The following AGBL1 variants were observed in gnomAD, a reference collection of about 807,000 sequenced individuals.
AGBL1 encodes cytosolic carboxypeptidase 4.
A neutral mutation model predicts 118.9 loss-of-function variants in AGBL1; 130 were observed. That is an observed-to-expected ratio of 1.09 (90% CI 0.95 to 1.26). The LOEUF is 1.26. Among genes scored for constraint, AGBL1 ranks in the 50% most tolerant of loss-of-function variants. AGBL1 has a pLI of 0.00. For synonymous variants in AGBL1, 555 were observed against 478.9 expected, an observed-to-expected ratio of 1.16 and a Z score of -2.08; for missense variants, 1,584 against 1,298.1, an observed-to-expected ratio of 1.22 and a Z score of -3.38.
At chr15:86,124,035 C>T (rs996897852) in intron 1 of AGBL1, among the ~76,000 whole-genome samples, 14 of 151,918 alleles carry the variant, frequency 9.2e-5, no homozygotes, top group African/African-American at 2.2e-4. Context: ...GTTTAGTTAA[C>T]GATAATGTAC....
intron 17 of AGBL1, among the ~76,000 whole-genome samples, chr15:86,389,231 CAT>C (rs1446583670): frequency 4.6e-5 from 7 of 151,942 alleles, no homozygotes; most frequent in Admixed American, 2.0e-4. Context: ...TCTTGGAAAA[CAT>C]GTAGAAAGAA....
At chr15:86,128,696 C>T (rs1373916026) in intron 1 of AGBL1, among the ~76,000 whole-genome samples, 4 of 152,056 alleles carry the variant, frequency 2.6e-5, no homozygotes, top group Admixed American at 2.0e-4. Context: ...ACCTATGTTC[C>T]CTTTCTTTAT....
At position 86,613,037 on chromosome 15, in the gene AGBL1, CTT is replaced by C. The variant is rs533276253; in HGVS notation, c.2994+58503_2994+58504del. 1.3e-3 allele frequency among the ~76,000 whole-genome samples: 195 copies of C among 152,228 alleles called. No homozygotes were observed. Among genetic ancestry groups the C allele is most frequent in the Non-Finnish European group, 2.2e-3 (150 of 68,032 alleles). On this transcript the variant is annotated intron_variant, in intron 21 of 22. Transcript: ENST00000614907. The surrounding 1 kb of genome is among the most constrained non-coding windows in gnomAD (Gnocchi z 4.2). ...TAATGATTCATGTCTTTGTCTGTAA[CTT>C]TTGTCTCCCTAAAATGTATAAAGCC...
chr15:86,154,298 A>G (rs1050096050), intron 3 of AGBL1, 132 bp from the exon 4 acceptor site: 6 of 984,878 alleles, frequency 6.1e-6, no homozygotes, highest in South Asian at 1.8e-5. Flanking sequence ...AGCATTTGTC[A>G]CTAGGTCTGA....
rs76279556 is a variant in AGBL1, at chr15:86,834,972, A to G, written c.3159-72115A>G. ...ACTTCTTAAGACTACTCTAAAGGCA[A>G]TCCCACGATATTTAGCAATTGTGTT... On this transcript the variant is annotated intron_variant, in intron 22 of 22. Transcript: ENST00000614907. Among the ~76,000 whole-genome samples the G allele has an allele frequency of 4.0e-3, 615 of 152,272 alleles. 6 individuals are homozygous for G. Among genetic ancestry groups the G allele is most frequent in the African/African-American group, 0.014 (591 of 41,566 alleles).
At chr15:86,432,297 C>T (rs1030366302) in intron 18 of AGBL1, among the ~76,000 whole-genome samples, 2 of 152,198 alleles carry the variant, frequency 1.3e-5, no homozygotes, top group African/African-American at 2.4e-5. Flanking sequence ...CCATCCATGA[C>T]ATCACATTAC....
At chr15:86,332,836 G>T (rs1203001320) in intron 17 of AGBL1, among the ~76,000 whole-genome samples, 6 of 151,970 alleles carry the variant, frequency 3.9e-5, no homozygotes, top group Admixed American at 6.5e-5. Context: ...AAAAACACTA[G>T]AAATTATACC....
At chr15:86,141,906 T>G in intron 1 of AGBL1, 98 bp from the exon 2 acceptor site, 1 of 1,214,126 alleles carries the variant, frequency 8.2e-7, no homozygotes, top group Non-Finnish European at 1.2e-6. Flanking sequence ...TCTTTCTCCA[T>G]GACAGGAAGT....
chr15:86,710,697 A>C (rs2086541079), intron 22 of AGBL1, among the ~76,000 whole-genome samples: 1 of 152,194 alleles, frequency 6.6e-6, no homozygotes, highest in Non-Finnish European at 1.5e-5. Context: ...GGTTTCAGAT[A>C]GGTTTATAAG....
chr15:86,546,501 A>G (rs1332986119), intron 20 of AGBL1, among the ~76,000 whole-genome samples: 1 of 152,170 alleles, frequency 6.6e-6, no homozygotes, highest in Admixed American at 6.6e-5. Context: ...CCCTTCTGCC[A>G]TCTGTAAAAT....
intron 18 of AGBL1, among the ~76,000 whole-genome samples, chr15:86,462,648 C>G (rs1296826576): frequency 1.6e-4 from 24 of 152,098 alleles, no homozygotes; most frequent in Admixed American, 1.6e-3. Context: ...TATGTTCTCA[C>G]TGTTCAACTC....
At chr15:86,329,769 G>T (rs57176955) in intron 17 of AGBL1, among the ~76,000 whole-genome samples, 21,098 of 151,062 alleles carry the variant, frequency 0.14, 1,575 homozygotes, top group Admixed American at 0.17. Flanking sequence ...GGCCCTCTAT[G>T]CTTCATGCCC....
At chr15:86,922,533 C>A (rs1374765502) in intron 23 of AGBL1, among the ~76,000 whole-genome samples, 2 of 152,194 alleles carry the variant, frequency 1.3e-5, no homozygotes, top group Non-Finnish European at 2.9e-5. Context: ...CTCAGGTGAT[C>A]CACCTGCCTT....
At chr15:86,471,169 A>T (rs1376132088) in intron 18 of AGBL1, among the ~76,000 whole-genome samples, 2 of 152,178 alleles carry the variant, frequency 1.3e-5, no homozygotes, top group African/African-American at 4.8e-5. Flanking sequence ...ATTGACATAA[A>T]TGGCCTTTTA....
intron 6 of AGBL1, among the ~76,000 whole-genome samples, chr15:86,242,983 C>T (rs908472440): frequency 3.9e-5 from 6 of 152,156 alleles, no homozygotes; most frequent in Non-Finnish European, 5.9e-5. Flanking sequence ...AGTGCCTTCA[C>T]GAGCTAGGCA....
chr15:86,459,496 T>C (rs2082303317), intron 18 of AGBL1, among the ~76,000 whole-genome samples: 1 of 152,194 alleles, frequency 6.6e-6, no homozygotes, highest in Non-Finnish European at 1.5e-5. Context: ...ACATTGGCCA[T>C]AAATTTCATA....
intron 24 of AGBL1, among the ~76,000 whole-genome samples, chr15:86,998,807 A>C (rs567721312): frequency 1.6e-4 from 25 of 152,196 alleles, no homozygotes; most frequent in Admixed American, 9.8e-4. Flanking sequence ...TAGTTAGCTC[A>C]ACCTGCCCAA....
chr15:86,705,777 T>A (rs558766394), intron 22 of AGBL1, among the ~76,000 whole-genome samples: 1 of 152,290 alleles, frequency 6.6e-6, no homozygotes, highest in East Asian at 1.9e-4. Context: ...ATCAAAATTC[T>A]CACAGAGCAC....
In AGBL1 at chr15:86,827,439, ATATGTGTGTG is replaced by A. The variant is rs1279767205; in HGVS notation, c.3159-79644_3159-79635del. Among the ~76,000 whole-genome samples the A allele has an allele frequency of 2.5e-3, 25 of 10,146 alleles. 1 individual carries two copies. Among genetic ancestry groups the A allele is most frequent in the African/African-American group, 5.5e-3 (9 of 1,650 alleles). 6.7% of individuals were successfully genotyped at this position (10,146 alleles called of 152,430 possible). ...TATATATATATATATACACATATAT[ATATGTGTGTG>A]TATATATATATATATATATACATAT... On this transcript the variant is annotated intron_variant, in intron 22 of 22. Transcript: ENST00000614907.
Sources: gnomAD v4.1 joint callset for allele counts (sites outside exome capture counted in the v4.1 genomes callset) on GRCh38, gnomAD v4.1.1 for gene constraint, Gnocchi (gnomAD v3.1) non-coding constraint, MANE v1.5 for transcripts, NCBI Gene and HGNC (gene_info 2026-07-23, HGNC 2026-07-21) for gene names.